The following EYS variants were observed in gnomAD, a reference collection of about 807,000 sequenced individuals.
EYS encodes protein eyes shut homolog.
In EYS, 250 loss-of-function variants were observed where a neutral mutation model predicts 282.1. The ratio of observed to expected loss-of-function variants is 0.89; its 90% confidence interval spans 0.80 to 0.98. The LOEUF (loss-of-function observed/expected upper bound fraction) is 0.98. Among genes scored for constraint, EYS ranks in the 50% least tolerant of loss-of-function variants. The probability of loss-of-function intolerance (pLI) is 0.00; values close to 1 mark genes in which losing one functional copy is unlikely to be tolerated. For missense variants in EYS, 4,016 were observed against 3,709.0 expected (o/e 1.08, Z -2.15); for synonymous variants, 1,355 against 1,282.9 (o/e 1.06, Z -1.20).
chr6:65,002,267 T>G lies in EYS; in HGVS notation c.2138-4564A>C, dbSNP rs79194392. Among the ~76,000 whole-genome samples the G allele has an allele frequency of 1.1e-3, 158 of 147,740 alleles. 30 individuals are homozygous for G. The East Asian group carries it at 0.016, about 15-fold the overall frequency. ...GCTCAGAAATGATACAATACTGACT[T>G]ACTTCAAGGTAATTTGAGAATTTCA... On this transcript the variant is annotated intron_variant, in intron 13 of 42. Transcript: ENST00000503581.
chr6:64,928,628 C>T (rs1340981086), intron 15 of EYS, among the ~76,000 whole-genome samples: 3 of 152,036 alleles, frequency 2.0e-5, no homozygotes, highest in Non-Finnish European at 2.9e-5. Flanking sequence ...TGCATTAAAA[C>T]AATTCATCAT....
At chr6:65,238,739 G>T (rs928046674) in intron 12 of EYS, among the ~76,000 whole-genome samples, 1 of 151,894 alleles carries the variant, frequency 6.6e-6, no homozygotes, top group African/African-American at 2.4e-5. Context: ...TATATTGCTG[G>T]TTTTAAATCT....
intron 2 of EYS, among the ~76,000 whole-genome samples, chr6:65,590,862 T>G (rs1263385601): frequency 1.3e-5 from 2 of 152,176 alleles, no homozygotes; most frequent in African/African-American, 4.8e-5. Flanking sequence ...ACCACTTTTT[T>G]TTTTTATCCA....
intron 32 of EYS, among the ~76,000 whole-genome samples, chr6:64,071,911 A>G (rs1197961612): frequency 3.3e-5 from 5 of 151,680 alleles, no homozygotes; most frequent in Non-Finnish European, 5.9e-5. Flanking sequence ...CACTGGACAA[A>G]GATGCCCACA....
chr6:64,095,053 G>T (rs1157954768), intron 31 of EYS, among the ~76,000 whole-genome samples: 1 of 152,118 alleles, frequency 6.6e-6, no homozygotes, highest in African/African-American at 2.4e-5. Context: ...TTTCCATGTG[G>T]TTGAGCGGTT....
At chr6:65,267,485 C>T (rs1010779072) in intron 12 of EYS, among the ~76,000 whole-genome samples, 1 of 151,864 alleles carries the variant, frequency 6.6e-6, no homozygotes, top group Non-Finnish European at 1.5e-5. Context: ...AGAAGTCCAA[C>T]CAGTGTTTTC....
At chr6:64,096,914 G>A (rs184385576) in intron 31 of EYS, among the ~76,000 whole-genome samples, 42 of 152,246 alleles carry the variant, frequency 2.8e-4, no homozygotes, top group Non-Finnish European at 2.6e-4. Flanking sequence ...TGATGGTGAC[G>A]TACAGATGGG....
chr6:64,727,964 G>A (rs1313448850), intron 22 of EYS, among the ~76,000 whole-genome samples: 1 of 152,200 alleles, frequency 6.6e-6, no homozygotes, highest in Non-Finnish European at 1.5e-5. Flanking sequence ...CACTACTGAA[G>A]CAGGAAATTT....
chr6:65,610,935 A>T (rs996724657), intron 2 of EYS, among the ~76,000 whole-genome samples: 1 of 152,102 alleles, frequency 6.6e-6, no homozygotes, highest in African/African-American at 2.4e-5. Flanking sequence ...AAGATTCATT[A>T]TCTTTATGCC....
chr6:65,582,245 A>AT (rs2127361334), intron 2 of EYS, among the ~76,000 whole-genome samples: 1 of 150,406 alleles, frequency 6.6e-6, no homozygotes, highest in South Asian at 2.1e-4. Context: ...GCTTTCTGAG[A>AT]ACATTTGATC....
At chr6:64,424,070 G>C (rs1774322299) in intron 28 of EYS, among the ~76,000 whole-genome samples, 1 of 151,828 alleles carries the variant, frequency 6.6e-6, no homozygotes, top group African/African-American at 2.4e-5. Context: ...TAGTGAGAAA[G>C]TTCTTCAATA....
intron 30 of EYS, among the ~76,000 whole-genome samples, chr6:64,263,157 C>T (rs1358883192): frequency 1.3e-5 from 2 of 152,028 alleles, no homozygotes; most frequent in African/African-American, 4.8e-5. Context: ...AAGAATCTGG[C>T]ACAGGATAAT....
At chr6:64,740,419 C>A (rs1190939408) in intron 22 of EYS, among the ~76,000 whole-genome samples, 1 of 152,222 alleles carries the variant, frequency 6.6e-6, no homozygotes, top group South Asian at 2.1e-4. Flanking sequence ...TTCTATTCAC[C>A]TTGGAGAACA....
intron 5 of EYS, among the ~76,000 whole-genome samples, chr6:65,442,140 A>T (rs1314675660): frequency 6.6e-6 from 1 of 152,058 alleles, no homozygotes; most frequent in African/African-American, 2.4e-5. Flanking sequence ...TCTTTAAAAA[A>T]TATGACTATA....
chr6:64,257,115 C>T (rs1767428537), intron 30 of EYS, among the ~76,000 whole-genome samples: 1 of 151,916 alleles, frequency 6.6e-6, no homozygotes, highest in Admixed American at 6.6e-5. Flanking sequence ...ATATCTTTGG[C>T]TCATCTTTCA....
At chr6:64,243,501 C>CA (rs1429667001) in intron 30 of EYS, among the ~76,000 whole-genome samples, 2 of 152,098 alleles carry the variant, frequency 1.3e-5, no homozygotes, top group Non-Finnish European at 2.9e-5. Flanking sequence ...GTGTCACACT[C>CA]AAATATTCAA....
intron 12 of EYS, among the ~76,000 whole-genome samples, chr6:65,082,455 G>C (rs1018210669): frequency 5.9e-5 from 9 of 152,018 alleles, no homozygotes; most frequent in Admixed American, 1.3e-4. Flanking sequence ...AATGAGGTAA[G>C]TACTAAAAGG....
intron 31 of EYS, among the ~76,000 whole-genome samples, chr6:64,160,328 G>A (rs899377812): frequency 1.1e-4 from 17 of 152,144 alleles, no homozygotes; most frequent in African/African-American, 3.9e-4. Context: ...TGAATTGCAC[G>A]AAATGTCCAA....
chr6:63,953,968 T>C (rs1236262926), intron 35 of EYS, among the ~76,000 whole-genome samples: 1 of 152,206 alleles, frequency 6.6e-6, no homozygotes, highest in Non-Finnish European at 1.5e-5. Context: ...ACTGACTCTC[T>C]ACAGTTTTCA....
Sources: gnomAD v4.1 joint callset for allele counts (sites outside exome capture counted in the v4.1 genomes callset) on GRCh38, gnomAD v4.1.1 for gene constraint, MANE v1.5 for transcripts, NCBI Gene and HGNC (gene_info 2026-07-23, HGNC 2026-07-21) for gene names.